The following DOCK2 variants were observed in gnomAD, a reference collection of about 807,000 sequenced individuals.
DOCK2 encodes the protein dedicator of cytokinesis 2.
Under a neutral mutation model 248.9 loss-of-function variants are expected in DOCK2, and 87 were observed. The ratio of observed to expected loss-of-function variants is 0.35; its 90% CI spans 0.29 to 0.42. The LOEUF is 0.42. Ranked by LOEUF, DOCK2 falls within the 10% of genes least tolerant of loss-of-function variation. The probability of loss-of-function intolerance (pLI) is 1.00; values close to 1 mark genes in which losing one functional copy is unlikely to be tolerated. For synonymous variants in DOCK2, 805 were observed against 821.6 expected, an observed-to-expected ratio of 0.98 and a Z score of 0.35; for missense variants, 1,747 against 2,300.2, an observed-to-expected ratio of 0.76 and a Z score of 4.92.
intron 46 of DOCK2, among the ~76,000 whole-genome samples, chr5:170,072,524 G>A (rs576620656): frequency 1.3e-5 from 2 of 152,310 alleles, no homozygotes; most frequent in South Asian, 4.1e-4. Context: ...GTGGACCTAA[G>A]CACCCAGTTC....
chr5:169,958,098 G>T (rs1160299781), intron 27 of DOCK2, among the ~76,000 whole-genome samples: 2 of 152,178 alleles, frequency 1.3e-5, no homozygotes, highest in Non-Finnish European at 2.9e-5. Flanking sequence ...ATGAGTGCAA[G>T]TGTGAAACAT....
chr5:170,009,309 T>G (rs1054230327), intron 32 of DOCK2, among the ~76,000 whole-genome samples: 1 of 152,072 alleles, frequency 6.6e-6, no homozygotes, highest in Non-Finnish European at 1.5e-5. Flanking sequence ...GTCAGGCCCA[T>G]GCTAAGAAGA....
chr5:169,949,280 CT>C (rs1296652019), intron 27 of DOCK2, among the ~76,000 whole-genome samples: 1 of 152,288 alleles, frequency 6.6e-6, no homozygotes, highest in African/African-American at 2.4e-5. Flanking sequence ...CCCTCCTGTT[CT>C]TTACTTCCCA....
chr5:170,067,420 C>A lies in DOCK2; in HGVS notation c.4468-90C>A, dbSNP rs1308048964. On this transcript the variant is annotated intron_variant, in intron 44 of 51. Coordinates refer to ENST00000520908, the MANE Select transcript of DOCK2 (RefSeq NM_004946.3). ...TAGGGAGCATTGCCTCATTTGAATT[C>A]CCACCCCAAGTGAAATCAATACCAA... The A allele has an allele frequency of 2.9e-6, 4 of 1,386,028 alleles. No individual in the cohort carries two copies. The African/African-American group carries it at 4.3e-5, about 15-fold the overall frequency. 85.9% of individuals were successfully genotyped at this position (1,386,028 alleles called of 1,614,324 possible).
intron 25 of DOCK2, among the ~76,000 whole-genome samples, chr5:169,800,944 C>CTTTTTTTTTTTTTTTTTTT (rs60140740): frequency 8.1e-4 from 43 of 53,200 alleles, no homozygotes; most frequent in Non-Finnish European, 9.1e-4. Flanking sequence ...TTCTTTCTTT[C>CTTTTTTTTTTTTTTTTTTT]TTTTTTTTTT....
At chr5:169,928,901 C>T (rs1003622709) in intron 27 of DOCK2, among the ~76,000 whole-genome samples, 1 of 152,156 alleles carries the variant, frequency 6.6e-6, no homozygotes, top group Non-Finnish European at 1.5e-5. Context: ...TCTGTTCCTG[C>T]TTGAATAGTG....
At chr5:169,954,712 T>G (rs1487291987) in intron 27 of DOCK2, among the ~76,000 whole-genome samples, 1 of 152,234 alleles carries the variant, frequency 6.6e-6, no homozygotes, top group East Asian at 1.9e-4. Flanking sequence ...TTGTTGTTGT[T>G]TGTTTATTTG....
At chr5:170,024,193 G>A (rs556694524) in intron 33 of DOCK2, among the ~76,000 whole-genome samples, 44 of 152,200 alleles carry the variant, frequency 2.9e-4, no homozygotes, top group Non-Finnish European at 5.6e-4. Flanking sequence ...CATCCACCTC[G>A]CAGCAGTGGG....
intron 39 of DOCK2, among the ~76,000 whole-genome samples, chr5:170,046,518 T>G (rs1186909573): frequency 6.6e-6 from 1 of 152,086 alleles, no homozygotes; most frequent in Non-Finnish European, 1.5e-5. Context: ...CAGGGACCCC[T>G]CTTAGCCCAC....
rs574535913 is a variant in DOCK2, at chr5:170,062,157, G to T, written c.4467+4491G>T. On this transcript the variant is annotated intron_variant, in intron 44 of 51. Transcript: ENST00000520908. ...AGAGAGAGAGAGAGAGACAGAGAGAGTGAGTCAGTCAATTCCCAGGGCCTT... is the reference window on the plus strand; with the variant it reads ...AGAGAGAGAGAGAGAGACAGAGAGATTGAGTCAGTCAATTCCCAGGGCCTT... Among the ~76,000 whole-genome samples, 224 of 152,086 alleles carry T rather than the reference G, an allele frequency of 1.5e-3. 2 individuals carry two copies. In the South Asian group the frequency reaches 0.022, roughly 15 times the overall value.
intron 25 of DOCK2, among the ~76,000 whole-genome samples, chr5:169,771,327 C>T (rs1203501583): frequency 6.6e-6 from 1 of 152,166 alleles, no homozygotes; most frequent in Non-Finnish European, 1.5e-5. Context: ...GTCGCCCAGG[C>T]TGGTGGAGTG....
intron 6 of DOCK2, among the ~76,000 whole-genome samples, chr5:169,679,632 G>A (rs1055825649): frequency 1.3e-5 from 2 of 152,230 alleles, no homozygotes; most frequent in Admixed American, 1.3e-4. Flanking sequence ...TATCAGCGAT[G>A]CTCCATCTTT....
intron 9 of DOCK2, 60 bp from the exon 10 acceptor site, chr5:169,695,743 G>A: frequency 1.9e-6 from 3 of 1,601,640 alleles, no homozygotes; most frequent in East Asian, 4.5e-5. Flanking sequence ...GGGTTTTCTT[G>A]TCTACCTTTT....
intron 27 of DOCK2, among the ~76,000 whole-genome samples, chr5:169,912,170 T>A (rs183721826): frequency 6.6e-6 from 1 of 152,310 alleles, no homozygotes; most frequent in Admixed American, 6.5e-5. Context: ...TTCTTCTCCT[T>A]CTTTCTTCTT....
Position 170,041,136 on chromosome 5 carries a change from G to A in DOCK2, c.3747G>A (p.Trp1249Ter). The A allele has an allele frequency of 6.2e-7, 1 of 1,613,934 alleles. No homozygotes were observed. Among genetic ancestry groups the A allele is most frequent in the Non-Finnish European group, 8.5e-7 (1 of 1,179,876 alleles). ...EAAYTLLLHT[W>*]LLKWSDEQCA... is the part of the protein sequence containing the mutation. ...CCTACACGCTCCTTCTCCACACCTG[G>A]CTTCTCAAGGTACAGTCACTTTGGG... The change falls in exon 37 of 52, where the codon TGG becomes TGA. Residue 1249 changes from tryptophan (W) to a stop codon, truncating the protein, a stop_gained. Transcript: ENST00000520908. LOFTEE classifies it high-confidence loss of function.
chr5:169,833,102 T>G (rs1769331452), intron 26 of DOCK2, among the ~76,000 whole-genome samples: 1 of 152,324 alleles, frequency 6.6e-6, no homozygotes, highest in African/African-American at 2.4e-5. Context: ...TCATATTACC[T>G]TGTGCAAACC....
At chr5:169,957,710 C>T (rs1776924419) in intron 27 of DOCK2, among the ~76,000 whole-genome samples, 1 of 152,120 alleles carries the variant, frequency 6.6e-6, no homozygotes, top group Non-Finnish European at 1.5e-5. Context: ...CCCAGAGTAC[C>T]CTGGCTTTGT....
intron 44 of DOCK2, among the ~76,000 whole-genome samples, chr5:170,065,033 A>T (rs529898196): frequency 8.5e-5 from 13 of 152,320 alleles, no homozygotes; most frequent in South Asian, 4.1e-4. Context: ...AGGCAAAAAA[A>T]ATATAAAAAG....
At chr5:170,013,125 C>T (rs183606367) in intron 32 of DOCK2, among the ~76,000 whole-genome samples, 364 of 152,044 alleles carry the variant, frequency 2.4e-3, no homozygotes, top group African/African-American at 8.5e-3. Context: ...GAAGGAGGAC[C>T]ATGTCAGGAC....
Sources: allele counts gnomAD v4.1 joint callset (sites outside exome capture counted in the v4.1 genomes callset), GRCh38; gene constraint gnomAD v4.1.1; transcripts MANE v1.5; gene names NCBI Gene and HGNC (gene_info 2026-07-23, HGNC 2026-07-21).